Variants in PCDHGA2 observed in about 807,000 individuals in gnomAD.
PCDHGA2 encodes protocadherin gamma subfamily A, 2.
PCDHGA2 carries 40 observed loss-of-function variants against 59.2 expected under a neutral mutation model. That is an observed-to-expected ratio of 0.68 (90% CI 0.52 to 0.88). The LOEUF is 0.88. Among genes scored for constraint, PCDHGA2 ranks in the 40% least tolerant of loss-of-function variants. The pLI, the probability that PCDHGA2 is intolerant of heterozygous loss-of-function variation, is 0.00. For missense variants in PCDHGA2, 1,226 were observed against 1,204.0 expected (o/e 1.02, Z -0.27); for synonymous variants, 560 against 526.0 (o/e 1.06, Z -0.89).
At chr5:141,416,387 A>T (rs1229066765) in intron 1 of PCDHGA2, 1 of 152,190 alleles carries the variant, frequency 6.6e-6, no homozygotes, top group Admixed American at 6.5e-5. Context: ...AATATTTGGG[A>T]TTCTGCTTTT....
intron 1 of PCDHGA2, chr5:141,344,167 T>C: frequency 1.2e-6 from 2 of 1,614,010 alleles, no homozygotes; most frequent in Non-Finnish European, 1.7e-6. Flanking sequence ...GGTTCCTTCG[T>C]GGGCAACATC....
intron 1 of PCDHGA2, among the ~76,000 whole-genome samples, chr5:141,369,150 T>C (rs1766058154): frequency 6.6e-6 from 1 of 152,222 alleles, no homozygotes; most frequent in Non-Finnish European, 1.5e-5. Flanking sequence ...TGGCATGTTA[T>C]TGACCAGGGA....
At chr5:141,483,242 C>T (rs2099578681) in intron 1 of PCDHGA2, among the ~76,000 whole-genome samples, 1 of 151,558 alleles carries the variant, frequency 6.6e-6, no homozygotes, top group African/African-American at 2.4e-5. Flanking sequence ...AACTGATATG[C>T]ATATATCATG....
chr5:141,393,268 A>C, intron 1 of PCDHGA2: 1 of 1,613,946 alleles, frequency 6.2e-7, no homozygotes, highest in South Asian at 1.1e-5. Flanking sequence ...GGAGCACGTT[A>C]TCCACTCCCA....
In PCDHGA2 at chr5:141,423,069, G is replaced by A. The variant is rs1364397726; in HGVS notation, c.2425-71738G>A. ...CCTATCGCCTGCTTAAGGCCAGCGA[G>A]CCGGGACTCTTCGCGGTGGGGGAGC... On this transcript the variant is annotated intron_variant, in intron 1 of 3. Transcript: ENST00000394576. 8 of 1,614,034 alleles carry A rather than the reference G, an allele frequency of 5.0e-6. No homozygotes were observed. In the African/African-American group the frequency reaches 1.1e-4, roughly 22 times the overall value.
At chr5:141,361,713 C>A in intron 1 of PCDHGA2, 1 of 1,613,404 alleles carries the variant, frequency 6.2e-7, no homozygotes, top group Non-Finnish European at 8.5e-7. Context: ...AGCAGCTGCG[C>A]GCCTTCGAGC....
At chr5:141,346,888 T>G (rs1162211244) in intron 1 of PCDHGA2, among the ~76,000 whole-genome samples, 6 of 152,240 alleles carry the variant, frequency 3.9e-5, no homozygotes, top group Non-Finnish European at 8.8e-5. Flanking sequence ...CCTGTATAGC[T>G]TATCCTGATA....
Position 141,487,830 on chromosome 5 carries a change from T to C in PCDHGA2, c.2425-6977T>C, listed in dbSNP as rs1410090651. On this transcript the variant is annotated intron_variant, in intron 1 of 3. Transcript: ENST00000394576. This position sits in a 1 kb window ranked among gnomAD's most constrained non-coding sequence, Gnocchi z 5.0. ...TTTAGCATTGGGGGCGGGTCATGCC[T>C]ATATCTGAGTAAGAAATGAAAGTAA... The C allele has an allele frequency of 3.5e-6, 4 of 1,139,942 alleles. No homozygotes were observed. The highest frequency in any genetic ancestry group is 1.6e-5 in the African/African-American group (1 of 63,734). The allele number at this position is 1,139,942 out of a possible 1,614,324, so 70.6% of individuals were successfully genotyped here.
chr5:141,429,592 T>C (rs2097226711), intron 1 of PCDHGA2, among the ~76,000 whole-genome samples: 1 of 152,234 alleles, frequency 6.6e-6, no homozygotes, highest in Non-Finnish European at 1.5e-5. Flanking sequence ...ATTCTTGTAA[T>C]TCAAGTAAAC....
intron 1 of PCDHGA2, chr5:141,356,408 G>T (rs375778889): frequency 6.3e-7 from 1 of 1,595,544 alleles, no homozygotes; most frequent in South Asian, 1.1e-5. Context: ...AATTATTATC[G>T]GTTGTTGACA....
intron 1 of PCDHGA2, chr5:141,360,267 C>T (rs755623766): frequency 6.2e-7 from 1 of 1,613,986 alleles, no homozygotes; most frequent in Non-Finnish European, 8.5e-7. Context: ...TGGCCAAAAA[C>T]TCGGTCGTAG....
chr5:141,431,547 T>TA lies in PCDHGA2; in HGVS notation c.2425-63259dup. On this transcript the variant is annotated intron_variant, in intron 1 of 3. Transcript: ENST00000394576. The surrounding 1 kb of genome is among the most constrained non-coding windows in gnomAD (Gnocchi z 4.8). ...CTGGCCTTGGGCACGCAGCTGCTTG[T>TA]AGTCAACGCTACCGACCCTGACGAA... 6.2e-7 allele frequency: 1 copy of TA among 1,614,096 alleles called. No individual in the cohort carries two copies. The highest frequency in any genetic ancestry group is 8.5e-7 in the Non-Finnish European group (1 of 1,180,022).
intron 1 of PCDHGA2, among the ~76,000 whole-genome samples, chr5:141,474,250 A>G (rs2099346141): frequency 6.6e-6 from 1 of 152,236 alleles, no homozygotes; most frequent in East Asian, 1.9e-4. Flanking sequence ...GGGGAAAAAA[A>G]GACTGATAAA....
At chr5:141,355,309 G>C (rs764402775) in intron 1 of PCDHGA2, 1 of 1,613,956 alleles carries the variant, frequency 6.2e-7, no homozygotes, top group Middle Eastern at 1.7e-4. Context: ...CTCGGTGTTT[G>C]AGGAGCAGGA....
intron 1 of PCDHGA2, among the ~76,000 whole-genome samples, chr5:141,480,730 G>T (rs1261461187): frequency 6.6e-6 from 1 of 152,168 alleles, no homozygotes; most frequent in Non-Finnish European, 1.5e-5. Flanking sequence ...GTCTCTGGGG[G>T]TGGGACATAG....
At chr5:141,430,918 G>T (rs766412276) in intron 1 of PCDHGA2, 2 of 1,607,866 alleles carry the variant, frequency 1.2e-6, no homozygotes, top group South Asian at 2.2e-5. Context: ...GGGACCTGGG[G>T]CTGGAGCCCC....
At chr5:141,423,557 G>C in intron 1 of PCDHGA2, 2 of 1,613,654 alleles carry the variant, frequency 1.2e-6, no homozygotes, top group Non-Finnish European at 1.7e-6. Context: ...CCCAACTATG[G>C]GGACACGCTC....
chr5:141,418,890 G>C (rs1449142412), intron 1 of PCDHGA2: 1 of 1,613,934 alleles, frequency 6.2e-7, no homozygotes, highest in South Asian at 1.1e-5. Context: ...AACGACAACA[G>C]CCCAGAAATA....
chr5:141,450,835 T>TA lies in PCDHGA2; in HGVS notation c.2425-43972_2425-43971insA, dbSNP rs1438371595. ...ATTTAATATTATTATTATTATTTTT[T>TA]TTTTTTTGAGATGGGGTCTTGCTCT... is the stretch of plus-strand genomic sequence containing the variant. On this transcript the variant is annotated intron_variant, in intron 1 of 3. Coordinates refer to ENST00000394576, the MANE Select transcript of PCDHGA2 (RefSeq NM_018915.4). 4.0e-3 allele frequency among the ~76,000 whole-genome samples: 570 copies of TA among 142,160 alleles called. 3 individuals are homozygous for TA. The highest frequency in any genetic ancestry group is 0.015 in the Middle Eastern group (4 of 270). The allele number at this position is 142,160 out of a possible 152,430, so 93.3% of individuals were successfully genotyped here.
Sources: gnomAD v4.1 joint callset for allele counts (sites outside exome capture counted in the v4.1 genomes callset) on GRCh38, gnomAD v4.1.1 for gene constraint, Gnocchi (gnomAD v3.1) non-coding constraint, MANE v1.5 for transcripts, NCBI Gene and HGNC (gene_info 2026-07-23, HGNC 2026-07-21) for gene names.